Variants in CYTH1 observed in about 807,000 individuals in gnomAD.
CYTH1 encodes cytohesin-1.
A neutral mutation model predicts 61.8 loss-of-function variants in CYTH1; 18 were observed. The ratio of observed to expected loss-of-function variants is 0.29; its 90% CI spans 0.20 to 0.43. The LOEUF is 0.43. CYTH1 is among the 20% of genes least tolerant of loss of function. The pLI is 1.00. For synonymous variants in CYTH1, 174 were observed against 184.3 expected (o/e 0.94, Z 0.45); for missense variants, 336 against 510.5 (o/e 0.66, Z 3.29).
intron 10 of CYTH1, among the ~76,000 whole-genome samples, chr17:78,692,876 A>G (rs1331058578): frequency 1.3e-5 from 2 of 152,150 alleles, no homozygotes; most frequent in Non-Finnish European, 2.9e-5. Flanking sequence ...GTCAGCACCT[A>G]GTGCAGGCTA....
chr17:78,680,461 C>T (rs189651789), intron 12 of CYTH1, 117 bp from the exon 13 acceptor site: 2 of 1,171,136 alleles, frequency 1.7e-6, no homozygotes, highest in East Asian at 2.6e-5. Context: ...ACAAGGAATA[C>T]ATATTTTCCT....
At chr17:78,776,407 G>A (rs556297122) in intron 1 of CYTH1, among the ~76,000 whole-genome samples, 38 of 150,556 alleles carry the variant, frequency 2.5e-4, no homozygotes, top group East Asian at 1.6e-3. Context: ...CTGTAATCCC[G>A]GCACTTTGGG....
At chr17:78,727,590 G>T in intron 1 of CYTH1, 1 of 445,410 alleles carries the variant, frequency 2.2e-6, no homozygotes, top group Non-Finnish European at 4.8e-6. Context: ...GTAAGAAGGA[G>T]CTGACTAGGG....
chr17:78,746,791 A>C (rs1201929269), intron 1 of CYTH1, among the ~76,000 whole-genome samples: 1 of 151,870 alleles, frequency 6.6e-6, no homozygotes, highest in African/African-American at 2.4e-5. Flanking sequence ...AAAACTAAAA[A>C]ATTAGCTGGC....
In CYTH1 at chr17:78,764,920, C is replaced by T. The variant is rs76280419; in HGVS notation, c.22+17282G>A. Among the ~76,000 whole-genome samples, 594 of 151,872 alleles carry T rather than the reference C, an allele frequency of 3.9e-3. 4 individuals are homozygous for T. Among genetic ancestry groups the T allele is most frequent in the African/African-American group, 0.012 (507 of 41,360 alleles). ...GTAATAAACATAATGAGTAGGTTCC[C>T]GGGGGATGAGCATTATTGGGAGTCA... is the stretch of plus-strand genomic sequence containing the variant. On this transcript the variant is annotated intron_variant, in intron 1 of 13. Transcript: ENST00000446868.
chr17:78,780,861 G>T (rs1322680637), intron 1 of CYTH1, among the ~76,000 whole-genome samples: 1 of 152,166 alleles, frequency 6.6e-6, no homozygotes, highest in African/African-American at 2.4e-5. Context: ...ACAACAATTA[G>T]ACAGGCGTGG....
intron 1 of CYTH1, among the ~76,000 whole-genome samples, chr17:78,737,531 G>A (rs1312175831): frequency 1.3e-5 from 2 of 150,020 alleles, no homozygotes; most frequent in African/African-American, 4.9e-5. Context: ...CCAAGAGCAT[G>A]ACTAAGAGAT....
intron 1 of CYTH1, among the ~76,000 whole-genome samples, chr17:78,741,462 A>G (rs12943994): frequency 0.059 from 8,990 of 152,248 alleles, 494 homozygotes; most frequent in South Asian, 0.15. Flanking sequence ...CATAATACCC[A>G]TATCAATCAT....
intron 3 of CYTH1, among the ~76,000 whole-genome samples, chr17:78,706,574 A>G (rs770570209): frequency 6.6e-6 from 1 of 152,232 alleles, no homozygotes; most frequent in Non-Finnish European, 1.5e-5. Flanking sequence ...GTTATTTTAT[A>G]TAAGAATGCT....
At chr17:78,719,213 GGCAAGTTACTTCGGCTA>G (rs1448599791) in intron 1 of CYTH1, among the ~76,000 whole-genome samples, 1 of 152,204 alleles carries the variant, frequency 6.6e-6, no homozygotes, top group African/African-American at 2.4e-5. Flanking sequence ...GATGACCCTG[GGCAAGTTACTTCGGCTA>G]TCTGTGCCTC....
intron 11 of CYTH1, among the ~76,000 whole-genome samples, chr17:78,684,230 A>C (rs1472966615): frequency 6.6e-6 from 1 of 152,164 alleles, no homozygotes; most frequent in Non-Finnish European, 1.5e-5. Flanking sequence ...TCATCCTGCC[A>C]CTTGAGAATT....
At chr17:78,698,205 G>A in intron 9 of CYTH1, 64 bp downstream of exon 9, 6 of 1,343,470 alleles carry the variant, frequency 4.5e-6, no homozygotes, top group South Asian at 3.6e-5. Flanking sequence ...ACGCACACAC[G>A]CACACACACC....
At chr17:78,704,020 T>C (rs1268497601) in intron 3 of CYTH1, among the ~76,000 whole-genome samples, 1 of 152,232 alleles carries the variant, frequency 6.6e-6, no homozygotes, top group East Asian at 1.9e-4. Flanking sequence ...AATAGGCAGT[T>C]TTCTTGACTG....
intron 3 of CYTH1, among the ~76,000 whole-genome samples, chr17:78,704,453 T>C (rs1248741940): frequency 1.3e-5 from 2 of 152,164 alleles, no homozygotes; most frequent in South Asian, 2.1e-4. Context: ...AAAGAACACA[T>C]GTGTTCTCTA....
chr17:78,722,941 A>G (rs981421893), intron 1 of CYTH1, among the ~76,000 whole-genome samples: 2 of 152,114 alleles, frequency 1.3e-5, no homozygotes, highest in African/African-American at 4.8e-5. Flanking sequence ...AACCTCACGG[A>G]AGCTGGACCA....
intron 1 of CYTH1, among the ~76,000 whole-genome samples, chr17:78,715,691 C>T (rs2093174832): frequency 6.6e-6 from 1 of 152,168 alleles, no homozygotes; most frequent in African/African-American, 2.4e-5. Context: ...AGAAATGAAA[C>T]ATGCCCCCCG....
At chr17:78,689,481 G>A (rs770251879) in intron 11 of CYTH1, among the ~76,000 whole-genome samples, 2 of 152,112 alleles carry the variant, frequency 1.3e-5, no homozygotes, top group Non-Finnish European at 2.9e-5. Context: ...ATCTAACGCC[G>A]CCACTGATCT....
intron 1 of CYTH1, among the ~76,000 whole-genome samples, chr17:78,741,108 C>G (rs4103047): frequency 0.54 from 82,114 of 152,048 alleles, 22,286 homozygotes; most frequent in East Asian, 0.61. Context: ...ACACATTAGG[C>G]CATTTTGATG....
intron 1 of CYTH1, among the ~76,000 whole-genome samples, chr17:78,774,166 C>T (rs990592111): frequency 6.6e-6 from 1 of 152,226 alleles, no homozygotes; most frequent in South Asian, 2.1e-4. Flanking sequence ...TTGGTGCAGC[C>T]CTTTTGGAAA....
Sources: allele counts gnomAD v4.1 joint callset (sites outside exome capture counted in the v4.1 genomes callset), GRCh38; gene constraint gnomAD v4.1.1; transcripts MANE v1.5; gene names NCBI Gene and HGNC (gene_info 2026-07-23, HGNC 2026-07-21).